Variants in NRXN1 observed in about 807,000 individuals in gnomAD.
The protein encoded by NRXN1 is neurexin 1.
NRXN1 carries 39 observed loss-of-function variants against 150.9 expected under a neutral mutation model. The ratio of observed to expected loss-of-function variants is 0.26; its 90% CI spans 0.20 to 0.34. The LOEUF is 0.34. Among genes scored for constraint, NRXN1 ranks in the 10% least tolerant of loss-of-function variants. The probability of loss-of-function intolerance (pLI) is 1.00; values close to 1 mark genes in which losing one functional copy is unlikely to be tolerated. For synonymous variants in NRXN1, 924 were observed against 757.0 expected, an observed-to-expected ratio of 1.22 and a Z score of -3.62; for missense variants, 1,815 against 1,949.9, an observed-to-expected ratio of 0.93 and a Z score of 1.30.
At chr2:50,531,464 G>C in intron 10 of NRXN1, 34 bp from the exon 11 acceptor site, 1 of 1,520,466 alleles carries the variant, frequency 6.6e-7, no homozygotes. Context: ...TAAGTTCTTG[G>C]ATGGTATAGC....
At position 50,108,757 on chromosome 2, in the gene NRXN1, A is replaced by T. The variant is rs552989820; in HGVS notation, c.3547-17263T>A. 3.3e-4 allele frequency among the ~76,000 whole-genome samples: 51 copies of T among 152,262 alleles called. 4 individuals carry two copies. The South Asian group carries it at 0.01, about 31-fold the overall frequency. ...CATGCTTAACACTAAAAGCGTTCCC[A>T]ATGAAGTAAAACAGTTTTACATTGT... On this transcript the variant is annotated intron_variant, in intron 18 of 22. Transcript: ENST00000401669.
rs1415267080 is a variant in NRXN1, at chr2:50,820,751, G to C, written c.832+101118C>G. On this transcript the variant is annotated intron_variant, in intron 5 of 22. Transcript: ENST00000401669. ...AAGGAGGAGCCTGGTGTGATTTCAGGTTCCAGTTTCCAGATGTCGCCTCTC... is the reference window on the plus strand; with the variant it reads ...AAGGAGGAGCCTGGTGTGATTTCAGCTTCCAGTTTCCAGATGTCGCCTCTC... Among the ~76,000 whole-genome samples, 5 of 152,170 alleles carry C rather than the reference G, an allele frequency of 3.3e-5. No homozygotes were observed. In the South Asian group the frequency reaches 1.0e-3, roughly 32 times the overall value.
At chr2:51,026,793 CA>C (rs1558611121) in intron 2 of NRXN1, among the ~76,000 whole-genome samples, 1 of 152,170 alleles carries the variant, frequency 6.6e-6, no homozygotes, top group Non-Finnish European at 1.5e-5. Flanking sequence ...GCATAAATGA[CA>C]AAATTTTACT....
chr2:50,592,060 T>C (rs1293182568), intron 8 of NRXN1, among the ~76,000 whole-genome samples: 1 of 152,192 alleles, frequency 6.6e-6, no homozygotes, highest in Admixed American at 6.5e-5. Context: ...CTCTACAGCT[T>C]GGTGATCACC....
chr2:50,562,364 T>TAGATA (rs1553795475), intron 8 of NRXN1, among the ~76,000 whole-genome samples: 3 of 151,668 alleles, frequency 2.0e-5, no homozygotes, highest in Admixed American at 2.0e-4. Flanking sequence ...GATAGATAGA[T>TAGATA]GATTTCCTAC....
intron 5 of NRXN1, among the ~76,000 whole-genome samples, chr2:50,901,182 C>T (rs916214849): frequency 6.6e-6 from 1 of 152,056 alleles, no homozygotes; most frequent in Non-Finnish European, 1.5e-5. Flanking sequence ...CCTGAGCCCA[C>T]AAGAGGGGAT....
chr2:50,243,855 A>T (rs959431075), intron 17 of NRXN1, among the ~76,000 whole-genome samples: 3 of 151,444 alleles, frequency 2.0e-5, no homozygotes, highest in Non-Finnish European at 4.4e-5. Context: ...GATACCATTT[A>T]AAAAAAAATT....
chr2:50,540,387 TA>T lies in NRXN1; in HGVS notation c.1760-1752del, dbSNP rs1184868621. ...TATAAAGCATGGCATTTTGGGGAAA[TA>T]AAATTTATAATATTGAAAGAGAATG... is the stretch of plus-strand genomic sequence containing the variant. On this transcript the variant is annotated intron_variant, in intron 9 of 22. Coordinates refer to ENST00000401669, the MANE Select transcript of NRXN1 (RefSeq NM_001330078.2). 8.5e-5 allele frequency among the ~76,000 whole-genome samples: 13 copies of T among 152,252 alleles called. No individual in the cohort carries two copies. The East Asian group carries it at 2.5e-3, about 29-fold the overall frequency.
At chr2:50,183,103 A>G (rs1201142287) in intron 18 of NRXN1, among the ~76,000 whole-genome samples, 1 of 152,110 alleles carries the variant, frequency 6.6e-6, no homozygotes, top group African/African-American at 2.4e-5. Context: ...TCAGCCAATT[A>G]TAGAAGGAAG....
chr2:50,870,253 G>C (rs1677577825), intron 5 of NRXN1, among the ~76,000 whole-genome samples: 1 of 151,880 alleles, frequency 6.6e-6, no homozygotes, highest in South Asian at 2.1e-4. Context: ...ATAACCATAG[G>C]TTTAATCTTT....
chr2:50,397,589 A>C (rs548804520), intron 17 of NRXN1, among the ~76,000 whole-genome samples: 117 of 152,192 alleles, frequency 7.7e-4, no homozygotes, highest in Admixed American at 2.9e-3. Context: ...CTTGACCAGG[A>C]CACAAGCTCC....
chr2:50,573,363 T>TA (rs35691955), intron 8 of NRXN1, among the ~76,000 whole-genome samples: 2,953 of 147,684 alleles, frequency 0.02, 76 homozygotes, highest in African/African-American at 0.064. Flanking sequence ...ACTCTGTCTT[T>TA]AAAAAAAAAA....
chr2:50,078,626 T>G (rs1697448375), intron 19 of NRXN1, among the ~76,000 whole-genome samples: 1 of 152,092 alleles, frequency 6.6e-6, no homozygotes, highest in Admixed American at 6.6e-5. Context: ...AGATGTGTCT[T>G]TTTTTGTAAT....
intron 17 of NRXN1, among the ~76,000 whole-genome samples, chr2:50,446,810 G>A (rs973232533): frequency 5.3e-5 from 8 of 151,908 alleles, no homozygotes; most frequent in Admixed American, 3.9e-4. Flanking sequence ...ATACAAATAT[G>A]CATTATTTTT....
chr2:50,921,832 A>G (rs1325702510), intron 5 of NRXN1, 37 bp downstream of exon 5: 3 of 1,087,456 alleles, frequency 2.8e-6, no homozygotes, highest in African/African-American at 3.3e-5. Context: ...TGTAATTCAT[A>G]CAGATGATAT....
intron 5 of NRXN1, among the ~76,000 whole-genome samples, chr2:50,736,382 T>C (rs759525712): frequency 2.6e-5 from 4 of 152,154 alleles, no homozygotes; most frequent in African/African-American, 4.8e-5. Flanking sequence ...CTCTTCTTCC[T>C]GACATAGATG....
At chr2:50,109,084 A>AT (rs1265248808) in intron 18 of NRXN1, among the ~76,000 whole-genome samples, 2 of 152,104 alleles carry the variant, frequency 1.3e-5, no homozygotes, top group African/African-American at 4.8e-5. Context: ...AAACTATATA[A>AT]TTTTTTGGCA....
chr2:50,029,065 T>C (rs903585914), intron 21 of NRXN1, among the ~76,000 whole-genome samples: 1 of 152,180 alleles, frequency 6.6e-6, no homozygotes, highest in Non-Finnish European at 1.5e-5. Context: ...GTGAAGTCTT[T>C]GAGCAGTGAT....
chr2:50,817,662 C>G (rs548603891), intron 5 of NRXN1, among the ~76,000 whole-genome samples: 15 of 151,868 alleles, frequency 9.9e-5, no homozygotes, highest in African/African-American at 3.6e-4. Flanking sequence ...TACATCATGA[C>G]GAAGAGGGAT....
Sources: gnomAD v4.1 joint callset for allele counts (sites outside exome capture counted in the v4.1 genomes callset) on GRCh38, gnomAD v4.1.1 for gene constraint, MANE v1.5 for transcripts, NCBI Gene and HGNC (gene_info 2026-07-23, HGNC 2026-07-21) for gene names.